The following CBLB variants were observed in gnomAD, a reference collection of about 807,000 sequenced individuals.
CBLB encodes the protein Cbl proto-oncogene B, also known as E3 ubiquitin-protein ligase CBL-B.
In CBLB, 31 loss-of-function variants were observed where a neutral mutation model predicts 104.9. That is an observed-to-expected ratio of 0.30 (90% confidence interval 0.22 to 0.40). The LOEUF (loss-of-function observed/expected upper bound fraction) is 0.40. Among genes scored for constraint, CBLB ranks in the 10% least tolerant of loss-of-function variants. The pLI, the probability that CBLB is intolerant of heterozygous loss-of-function variation, is 1.00. For synonymous variants in CBLB, 440 were observed against 422.6 expected (o/e 1.04, Z -0.51); for missense variants, 1,062 against 1,214.6 (o/e 0.87, Z 1.87).
At position 105,655,967 on chromosome 3, in the gene CBLB, T is replaced by C. The variant is rs1479041860; in HGVS notation, c.*3003A>G. 3 of 228,298 alleles carry C rather than the reference T, an allele frequency of 1.3e-5. No homozygotes were observed. The highest frequency in any genetic ancestry group is 2.6e-5 in the Non-Finnish European group (3 of 115,008). The allele number at this position is 228,298 out of a possible 1,614,324, so 14.1% of individuals were successfully genotyped here. On this transcript the variant is annotated 3_prime_UTR_variant, in exon 19 of 19. Coordinates refer to ENST00000394030, the MANE Select transcript of CBLB (RefSeq NM_170662.5). The stretch of plus-strand genomic sequence containing the variant: ...GTTAAGAAATGGGACCCTTTTAAGT[T>C]GCAGTGAGGGTTCTATTATGAAGAC...
At chr3:105,754,505 GAGAGAGAGAGAGAGAGAC>G (rs1367948498) in intron 4 of CBLB, among the ~76,000 whole-genome samples, 3 of 77,406 alleles carry the variant, frequency 3.9e-5, no homozygotes, top group African/African-American at 1.6e-4. Flanking sequence ...GAGAGAGAGA[GAGAGAGAGAGAGAGAGAC>G]AGAGAGAGAG....
intron 12 of CBLB, among the ~76,000 whole-genome samples, chr3:105,701,793 A>T: frequency 6.6e-6 from 1 of 151,456 alleles, no homozygotes; most frequent in Non-Finnish European, 1.5e-5. Context: ...GGCTGATTAT[A>T]CCACCACTAA....
chr3:105,753,521 A>C (rs1043228303), intron 4 of CBLB, among the ~76,000 whole-genome samples: 3 of 152,192 alleles, frequency 2.0e-5, no homozygotes, highest in Admixed American at 6.5e-5. Context: ...TTAAAGTTTC[A>C]AATACTCAAC....
intron 4 of CBLB, among the ~76,000 whole-genome samples, chr3:105,774,404 T>C (rs988418475): frequency 6.6e-6 from 1 of 152,168 alleles, no homozygotes; most frequent in African/African-American, 2.4e-5. Context: ...TCTCCAATTA[T>C]CTAATAAAGG....
chr3:105,671,364 G>A (rs1258288437), intron 17 of CBLB: 1 of 214,792 alleles, frequency 4.7e-6, no homozygotes, highest in Admixed American at 5.8e-5. Flanking sequence ...GGATCTGAGG[G>A]ATCTTTTCCT....
At chr3:105,676,008 A>T (rs1191605912) in intron 17 of CBLB, among the ~76,000 whole-genome samples, 4 of 148,918 alleles carry the variant, frequency 2.7e-5, no homozygotes. Context: ...TTTAAGAAAT[A>T]CTTATTATAA....
At chr3:105,697,181 TA>T (rs2068497466) in intron 12 of CBLB, among the ~76,000 whole-genome samples, 1 of 151,928 alleles carries the variant, frequency 6.6e-6, no homozygotes, top group Non-Finnish European at 1.5e-5. Flanking sequence ...ATAGCTGAAT[TA>T]GGTAATGAGG....
intron 12 of CBLB, among the ~76,000 whole-genome samples, chr3:105,699,169 G>A (rs1216011928): frequency 3.3e-5 from 5 of 152,044 alleles, no homozygotes; most frequent in South Asian, 4.1e-4. Context: ...TGGTTATTGA[G>A]TGCTTACCAA....
chr3:105,706,400 G>A (rs1442142803), intron 10 of CBLB, among the ~76,000 whole-genome samples: 1 of 152,060 alleles, frequency 6.6e-6, no homozygotes, highest in Non-Finnish European at 1.5e-5. Context: ...GTCACTGAAG[G>A]AGAAAATAAA....
At chr3:105,817,272 T>A (rs1008816982) in intron 3 of CBLB, among the ~76,000 whole-genome samples, 1 of 152,150 alleles carries the variant, frequency 6.6e-6, no homozygotes, top group Non-Finnish European at 1.5e-5. Flanking sequence ...TTATCAGTAA[T>A]CTTATCATGA....
chr3:105,831,504 C>CTACAATGT (rs1413737609), intron 3 of CBLB, among the ~76,000 whole-genome samples: 1 of 152,244 alleles, frequency 6.6e-6, no homozygotes, highest in Non-Finnish European at 1.5e-5. Context: ...ACACCACCAA[C>CTACAATGT]TACAATGTTC....
At chr3:105,836,314 A>G (rs2088486776) in intron 3 of CBLB, among the ~76,000 whole-genome samples, 1 of 152,246 alleles carries the variant, frequency 6.6e-6, no homozygotes, top group East Asian at 1.9e-4. Flanking sequence ...ATAATTTAGC[A>G]TAGTTATCTG....
At chr3:105,780,014 C>G (rs1489231437) in intron 3 of CBLB, among the ~76,000 whole-genome samples, 1 of 151,790 alleles carries the variant, frequency 6.6e-6, no homozygotes, top group Non-Finnish European at 1.5e-5. Flanking sequence ...CCACCATGCC[C>G]GTCTAACTTT....
chr3:105,842,601 A>G (rs565903358), intron 3 of CBLB, among the ~76,000 whole-genome samples: 1 of 152,194 alleles, frequency 6.6e-6, no homozygotes, highest in Non-Finnish European at 1.5e-5. Flanking sequence ...AATCTGCTAG[A>G]GAAGCAAGTA....
At chr3:105,775,305 A>C (rs191958193) in intron 4 of CBLB, among the ~76,000 whole-genome samples, 1 of 152,162 alleles carries the variant, frequency 6.6e-6, no homozygotes, top group Non-Finnish European at 1.5e-5. Flanking sequence ...ACATTACTCT[A>C]TGTAGGTATA....
chr3:105,789,034 A>AT (rs1221394512), intron 3 of CBLB, among the ~76,000 whole-genome samples: 7 of 152,312 alleles, frequency 4.6e-5, no homozygotes, highest in African/African-American at 1.7e-4. Flanking sequence ...CCAACATTAT[A>AT]TGAAGCAGAA....
intron 3 of CBLB, among the ~76,000 whole-genome samples, chr3:105,803,976 CT>C (rs1317228894): frequency 6.6e-6 from 1 of 152,128 alleles, no homozygotes; most frequent in Non-Finnish European, 1.5e-5. Context: ...AGTCTGTGTG[CT>C]TTTCTCTTAG....
chr3:105,704,316 A>G (rs1164900761), intron 10 of CBLB, 143 bp from the exon 11 acceptor site: 10 of 763,482 alleles, frequency 1.3e-5, no homozygotes, highest in Admixed American at 6.1e-5. Flanking sequence ...CCTGATTAAT[A>G]GAAGCAAATA....
At chr3:105,842,253 G>A (rs1241578136) in intron 3 of CBLB, among the ~76,000 whole-genome samples, 1 of 152,138 alleles carries the variant, frequency 6.6e-6, no homozygotes, top group Non-Finnish European at 1.5e-5. Flanking sequence ...CTGTCCCTCT[G>A]TGACTAATAA....
Sources: allele counts gnomAD v4.1 joint callset (sites outside exome capture counted in the v4.1 genomes callset), GRCh38; gene constraint gnomAD v4.1.1; transcripts MANE v1.5; gene names NCBI Gene and HGNC (gene_info 2026-07-23, HGNC 2026-07-21).